Variants in MTA1 observed in about 807,000 individuals in gnomAD.
MTA1 encodes metastasis associated 1.
A neutral mutation model predicts 97.0 loss-of-function variants in MTA1; 15 were observed. The ratio of observed to expected loss-of-function variants is 0.15; its 90% CI spans 0.10 to 0.24. The LOEUF is 0.24. Among genes scored for constraint, MTA1 ranks in the 10% least tolerant of loss-of-function variants. MTA1 has a pLI of 1.00. For synonymous variants in MTA1, 435 were observed against 417.5 expected (o/e 1.04, Z -0.51); for missense variants, 709 against 1,015.1 (o/e 0.70, Z 4.10).
chr14:105,426,529 G>A (rs1269028730), intron 1 of MTA1, among the ~76,000 whole-genome samples: 1 of 152,232 alleles, frequency 6.6e-6, no homozygotes, highest in Non-Finnish European at 1.5e-5. Flanking sequence ...CTGAGGTGTG[G>A]CGTTCTCTGG....
intron 1 of MTA1, among the ~76,000 whole-genome samples, chr14:105,437,813 A>G (rs2082378975): frequency 6.6e-6 from 1 of 152,204 alleles, no homozygotes; most frequent in Non-Finnish European, 1.5e-5. Context: ...GTGCCTCCCA[A>G]GCTGAGCCCC....
At chr14:105,456,196 T>C (rs950024618) in intron 7 of MTA1, among the ~76,000 whole-genome samples, 2 of 152,068 alleles carry the variant, frequency 1.3e-5, no homozygotes, top group Non-Finnish European at 2.9e-5. Context: ...CGCACCCAGG[T>C]GGAAAGGCAG....
In MTA1 at chr14:105,453,769, C is replaced by T. The variant is rs587745866; in HGVS notation, c.433-424C>T. On this transcript the variant is annotated intron_variant, in intron 6 of 20. Coordinates refer to ENST00000331320, the MANE Select transcript of MTA1 (RefSeq NM_004689.4). ...GAGGTTGCAGTGAGCCGAGATCACG[C>T]CATTGCACTCCAACCTGGGCGACAA... 1.6e-4 allele frequency among the ~76,000 whole-genome samples: 25 copies of T among 152,312 alleles called. No individual in the cohort carries two copies. In the East Asian group the frequency reaches 4.8e-3, roughly 29 times the overall value.
intron 3 of MTA1, among the ~76,000 whole-genome samples, chr14:105,446,074 C>T (rs2082708363): frequency 6.6e-6 from 1 of 152,142 alleles, no homozygotes; most frequent in Non-Finnish European, 1.5e-5. Flanking sequence ...GCCTTGGGGA[C>T]CCAGCTTCTC....
intron 2 of MTA1, among the ~76,000 whole-genome samples, chr14:105,439,889 C>T (rs374512940): frequency 7.9e-5 from 12 of 152,246 alleles, no homozygotes; most frequent in African/African-American, 2.4e-4. Context: ...TTGGTGGCAG[C>T]GGTGACGTGG....
Position 105,470,012 on chromosome 14 carries a change from G to A in MTA1, c.1997+20G>A, listed in dbSNP as rs1555434024. The A allele has an allele frequency of 1.9e-6, 3 of 1,612,368 alleles. No homozygotes were observed. In the Admixed American group the frequency reaches 5.0e-5, roughly 27 times the overall value. ...GACCAGGTGGGGCCTTCCCAGGGCAGGCGGGAGGGCTCCGCACAGCGTCCC... is the reference window on the plus strand; with the variant it reads ...GACCAGGTGGGGCCTTCCCAGGGCAAGCGGGAGGGCTCCGCACAGCGTCCC... On this transcript the variant is annotated intron_variant, in intron 20 of 20. Coordinates refer to ENST00000331320, the MANE Select transcript of MTA1 (RefSeq NM_004689.4).
In MTA1 at chr14:105,463,842, GA is replaced by G; in HGVS notation, c.1077-189del. ...ATGCTAGGGGGAGCACGGGGGCCTG[GA>G]GAACGGCTCAGACCTCAGCAGTGGC... On this transcript the variant is annotated intron_variant, in intron 12 of 20. Coordinates refer to ENST00000331320, the MANE Select transcript of MTA1 (RefSeq NM_004689.4). This position sits in a 1 kb window ranked among gnomAD's most constrained non-coding sequence, Gnocchi z 5.9. 1.5e-6 allele frequency: 1 copy of G among 667,604 alleles called. No homozygotes were observed. 41.4% of individuals were successfully genotyped at this position (667,604 alleles called of 1,614,324 possible).
intron 16 of MTA1, 124 bp from the exon 17 acceptor site, chr14:105,466,302 G>GC: frequency 1.2e-6 from 1 of 865,278 alleles, no homozygotes; most frequent in Non-Finnish European, 1.8e-6. Context: ...GGGGCCTCGG[G>GC]TGGGGGCCGC....
At chr14:105,437,991 G>T (rs1333490569) in intron 1 of MTA1, among the ~76,000 whole-genome samples, 1 of 152,210 alleles carries the variant, frequency 6.6e-6, no homozygotes, top group African/African-American at 2.4e-5. Flanking sequence ...TGAGGGAAGC[G>T]CTGTACTCAC....
At chr14:105,468,474 C>T (rs1394489605) in intron 18 of MTA1, 38 of 933,090 alleles carry the variant, frequency 4.1e-5, no homozygotes, top group Non-Finnish European at 5.6e-5. Flanking sequence ...CCCACCTGAC[C>T]CTGCCCGGCA....
intron 6 of MTA1, among the ~76,000 whole-genome samples, chr14:105,451,178 C>A (rs1055947382): frequency 1.3e-5 from 2 of 152,228 alleles, no homozygotes; most frequent in African/African-American, 4.8e-5. Context: ...CTGTCGTGGC[C>A]ATCGGCGCTC....
At chr14:105,438,593 G>A (rs1555424929) in intron 1 of MTA1, 79 bp from the exon 2 acceptor site, 21 of 1,326,084 alleles carry the variant, frequency 1.6e-5, no homozygotes, top group Middle Eastern at 2.2e-4. Flanking sequence ...CCTGAGCCCC[G>A]AGTCCCTGGG....
intron 1 of MTA1, among the ~76,000 whole-genome samples, chr14:105,434,854 C>G (rs2082283646): frequency 6.6e-6 from 1 of 152,208 alleles, no homozygotes; most frequent in African/African-American, 2.4e-5. Context: ...AACTCTTACT[C>G]AGCAGTTTCA....
At chr14:105,456,709 C>T (rs1414402179) in intron 7 of MTA1, among the ~76,000 whole-genome samples, 1 of 152,236 alleles carries the variant, frequency 6.6e-6, no homozygotes, top group Non-Finnish European at 1.5e-5. Context: ...CACGGAGGCA[C>T]CATGGCTTGT....
intron 3 of MTA1, among the ~76,000 whole-genome samples, chr14:105,448,667 C>T (rs911984654): frequency 5.9e-5 from 9 of 151,812 alleles, no homozygotes; most frequent in Admixed American, 2.0e-4. Flanking sequence ...GAGGCTCAGC[C>T]GCCAGACACC....
chr14:105,449,287 G>A (rs1327116746), intron 3 of MTA1, 72 bp from the exon 4 acceptor site: 38 of 1,514,690 alleles, frequency 2.5e-5, no homozygotes, highest in Middle Eastern at 1.8e-4. Flanking sequence ...CCCTCGGTCC[G>A]GGCCCTGGGC....
At position 105,465,119 on chromosome 14, in the gene MTA1, C is replaced by T. The variant is rs1009925861; in HGVS notation, c.1560C>T (p.Ser520=). 1.7e-5 allele frequency: 26 copies of T among 1,523,428 alleles called. No individual in the cohort carries two copies. In the Middle Eastern group the frequency reaches 9.1e-4, roughly 53 times the overall value. 94.4% of individuals were successfully genotyped at this position (1,523,428 alleles called of 1,614,324 possible). Residue 520 remains serine, a synonymous_variant, in exon 16 of 21, where the codon TCC becomes TCT. Transcript: ENST00000331320. ...GCACGGCGCGGCTGCCCGAAGCCTC[C>T]CAGAGCCCGCTGGTGCTGAAGCAGG... The part of the protein sequence containing the change: ...AECTARLPEA[S]QSPLVLKQAV...
chr14:105,466,437 C>CCCCCCCCCCACCCCT lies in MTA1; in HGVS notation c.1636_1637insCCCCCCCCCACCCCT (p.Arg546delinsProProProHisProCys). On this transcript the variant is annotated protein_altering_variant, in exon 17 of 21. Coordinates refer to ENST00000331320, the MANE Select transcript of MTA1 (RefSeq NM_004689.4). ...GTCATTCCCGGCAGAGACCCACCCC[C>CCCCCCCCCCACCCCT]GCCCCCCCAAGCCTGACCCCGTGAA... is the stretch of plus-strand genomic sequence containing the variant. 6.7e-7 allele frequency: 1 copy of CCCCCCCCCCACCCCT among 1,498,256 alleles called. No homozygotes were observed. The highest frequency in any genetic ancestry group is 1.1e-5 in the South Asian group (1 of 87,930). 92.8% of individuals were successfully genotyped at this position (1,498,256 alleles called of 1,614,324 possible).
intron 16 of MTA1, 42 bp downstream of exon 16, chr14:105,465,225 C>G (rs34681866): frequency 0.051 from 74,214 of 1,460,750 alleles, 2,281 homozygotes; most frequent in Non-Finnish European, 0.058. Flanking sequence ...ATGCTGCCTG[C>G]AGGCAGCTTC....
Sources: allele counts gnomAD v4.1 joint callset (sites outside exome capture counted in the v4.1 genomes callset), GRCh38; gene constraint gnomAD v4.1.1; non-coding constraint Gnocchi (gnomAD v3.1); transcripts MANE v1.5; gene names NCBI Gene and HGNC (gene_info 2026-07-23, HGNC 2026-07-21).